LAMA2: variants seen among roughly 807,000 people sequenced by gnomAD.
The protein encoded by LAMA2 is laminin subunit alpha 2.
Under a neutral mutation model 364.8 loss-of-function variants are expected in LAMA2, and 269 were observed. That is an observed-to-expected ratio of 0.74 (90% CI 0.67 to 0.82). LAMA2 has a LOEUF of 0.82. Among genes scored for constraint, LAMA2 ranks in the 40% least tolerant of loss-of-function variants. The probability of loss-of-function intolerance (pLI) is 0.00; values close to 1 mark genes in which losing one functional copy is unlikely to be tolerated. For missense variants in LAMA2, 3,807 were observed against 3,873.2 expected (o/e 0.98, Z 0.45); for synonymous variants, 1,379 against 1,370.6 (o/e 1.01, Z -0.14).
At chr6:128,961,757 A>G (rs1262255890) in intron 1 of LAMA2, among the ~76,000 whole-genome samples, 2 of 151,956 alleles carry the variant, frequency 1.3e-5, no homozygotes, top group Non-Finnish European at 2.9e-5. Context: ...CCCACGATCA[A>G]TACTTTGTAT....
At chr6:129,047,840 A>C (rs1431266603) in intron 1 of LAMA2, among the ~76,000 whole-genome samples, 1 of 152,102 alleles carries the variant, frequency 6.6e-6, no homozygotes, top group Non-Finnish European at 1.5e-5. Flanking sequence ...TTTCTTTTTT[A>C]ATTTTTTGTT....
At chr6:129,040,357 A>G (rs1787001249) in intron 1 of LAMA2, among the ~76,000 whole-genome samples, 2 of 152,172 alleles carry the variant, frequency 1.3e-5, no homozygotes, top group South Asian at 2.1e-4. Context: ...ATGATGGCTC[A>G]TGCCTGTAAT....
At chr6:129,348,918 G>A (rs1332381589) in intron 30 of LAMA2, among the ~76,000 whole-genome samples, 1 of 151,966 alleles carries the variant, frequency 6.6e-6, no homozygotes, top group African/African-American at 2.4e-5. Context: ...GAGATATTAA[G>A]TAATAGCTAT....
At chr6:128,892,906 C>A (rs1052619713) in intron 1 of LAMA2, among the ~76,000 whole-genome samples, 29 of 151,940 alleles carry the variant, frequency 1.9e-4, no homozygotes, top group African/African-American at 7.0e-4. Flanking sequence ...AGTACTCTAA[C>A]AAATCTCTAG....
intron 1 of LAMA2, among the ~76,000 whole-genome samples, chr6:129,029,651 G>A (rs2114730733): frequency 6.6e-6 from 1 of 152,054 alleles, no homozygotes; most frequent in Non-Finnish European, 1.5e-5. Context: ...TTTCTTAATG[G>A]CTGTTCATAA....
In LAMA2 at chr6:129,315,752, A is replaced by G; in HGVS notation, c.3736-10A>G. 1 of 1,613,836 alleles carries G rather than the reference A, an allele frequency of 6.2e-7. No homozygotes were observed. The highest frequency in any genetic ancestry group is 8.5e-7 in the Non-Finnish European group (1 of 1,179,788). On this transcript the variant is annotated splice_polypyrimidine_tract_variant and intron_variant, in intron 25 of 64. Coordinates refer to ENST00000421865, the MANE Select transcript of LAMA2 (RefSeq NM_000426.4). ...TATCCAATTCCTCATTCTTCTTTTTATTTTGTCAGTTGATGGCCTATGGGG... is the reference window on the plus strand; with the variant it reads ...TATCCAATTCCTCATTCTTCTTTTTGTTTTGTCAGTTGATGGCCTATGGGG...
At chr6:128,898,266 G>A (rs1214392755) in intron 1 of LAMA2, among the ~76,000 whole-genome samples, 1 of 152,098 alleles carries the variant, frequency 6.6e-6, no homozygotes, top group Non-Finnish European at 1.5e-5. Flanking sequence ...GGTTATGGAT[G>A]GTAATAGAAC....
intron 1 of LAMA2, among the ~76,000 whole-genome samples, chr6:128,907,968 C>T (rs1294349242): frequency 1.3e-5 from 2 of 152,084 alleles, no homozygotes; most frequent in Non-Finnish European, 2.9e-5. Context: ...ACCAGCCTTG[C>T]ATCCCAGGGA....
At position 129,050,198 on chromosome 6, in the gene LAMA2, A is replaced by T. The variant is rs185166415; in HGVS notation, c.283+110A>T. 2.8e-5 allele frequency: 31 copies of T among 1,109,836 alleles called. 1 individual carries two copies. In the Admixed American group the frequency reaches 6.0e-4, roughly 21 times the overall value. The allele number at this position is 1,109,836 out of a possible 1,614,324, so 68.7% of individuals were successfully genotyped here. On this transcript the variant is annotated intron_variant, in intron 2 of 64. Transcript: ENST00000421865. ...GGTTTGTAATACTAAGAATTCCTAG[A>T]ATTCTTTTTACCATTAAGAGCTTCT... is the stretch of plus-strand genomic sequence containing the variant.
chr6:129,170,664 A>G (rs1420923847), intron 9 of LAMA2, among the ~76,000 whole-genome samples: 1 of 152,012 alleles, frequency 6.6e-6, no homozygotes, highest in Middle Eastern at 3.4e-3. Context: ...AGAGTTCTGT[A>G]GATGTTTATT....
chr6:129,205,478 G>GTATGTATATATATATA (rs1782568087), intron 12 of LAMA2, among the ~76,000 whole-genome samples: 1 of 116,428 alleles, frequency 8.6e-6, no homozygotes, highest in African/African-American at 4.5e-5. Context: ...TATTCTGTAA[G>GTATGTATATATATATA]TATATATATA....
chr6:129,374,161 C>G (rs1778240450), intron 34 of LAMA2, among the ~76,000 whole-genome samples: 1 of 152,106 alleles, frequency 6.6e-6, no homozygotes, highest in Non-Finnish European at 1.5e-5. Context: ...TCTCTCTTTC[C>G]CTGTGGTCAA....
intron 64 of LAMA2, 120 bp from the exon 65 acceptor site, chr6:129,516,070 T>A (rs896885302): frequency 2.6e-6 from 3 of 1,136,858 alleles, no homozygotes; most frequent in Non-Finnish European, 4.0e-6. Context: ...ACAAAACCAC[T>A]AACTTTGCAT....
chr6:129,068,490 G>A (rs1773086078), intron 3 of LAMA2, among the ~76,000 whole-genome samples: 1 of 152,146 alleles, frequency 6.6e-6, no homozygotes, highest in Non-Finnish European at 1.5e-5. Context: ...TGGCAGAAGG[G>A]GCAAATAAGC....
chr6:128,938,372 T>A (rs1779959859), intron 1 of LAMA2, among the ~76,000 whole-genome samples: 1 of 152,142 alleles, frequency 6.6e-6, no homozygotes. Flanking sequence ...GTCCTTAGAG[T>A]GCTAGACACT....
chr6:129,473,925 A>G (rs1783941313), intron 52 of LAMA2, among the ~76,000 whole-genome samples: 1 of 152,056 alleles, frequency 6.6e-6, no homozygotes. Context: ...TAGTTAGTTC[A>G]AAAAATAAAG....
rs77605926 is a variant in LAMA2, at chr6:128,944,638, G to GA, written c.112+61295dup. Among the ~76,000 whole-genome samples the GA allele has an allele frequency of 6.3e-3, 605 of 96,752 alleles. 1 individual carries two copies. The highest frequency in any genetic ancestry group is 0.014 in the African/African-American group (377 of 27,190). The allele number at this position is 96,752 out of a possible 152,430, so 63.5% of individuals were successfully genotyped here. A position where few individuals can be genotyped will look rare whatever the true frequency, so the allele number is the denominator to read the frequency against. ...TGAAACCTCGTCTCTGCTAAAAGTA[G>GA]AAAAAAAAAAAAAAGAAGAAAGAAA... On this transcript the variant is annotated intron_variant, in intron 1 of 64. Transcript: ENST00000421865.
intron 32 of LAMA2, among the ~76,000 whole-genome samples, chr6:129,360,089 T>C (rs1044274188): frequency 1.3e-5 from 2 of 152,188 alleles, no homozygotes; most frequent in Non-Finnish European, 2.9e-5. Context: ...CTTTTGCTCC[T>C]GTGCATTTTA....
chr6:129,005,504 A>G (rs1284488680), intron 1 of LAMA2, among the ~76,000 whole-genome samples: 1 of 151,928 alleles, frequency 6.6e-6, no homozygotes, highest in Non-Finnish European at 1.5e-5. Context: ...TACCAAATTC[A>G]TGGGTATAGA....
Sources: gnomAD v4.1 joint callset for allele counts (sites outside exome capture counted in the v4.1 genomes callset) on GRCh38, gnomAD v4.1.1 for gene constraint, MANE v1.5 for transcripts, NCBI Gene and HGNC (gene_info 2026-07-23, HGNC 2026-07-21) for gene names.